IQGAP2: variants seen among roughly 807,000 people sequenced by gnomAD.
IQGAP2 encodes the protein ras GTPase-activating-like protein IQGAP2.
A neutral mutation model predicts 201.3 loss-of-function variants in IQGAP2; 173 were observed. That is an observed-to-expected ratio of 0.86 (90% CI 0.76 to 0.98). The LOEUF (loss-of-function observed/expected upper bound fraction) is 0.98. Among genes scored for constraint, IQGAP2 ranks in the 50% least tolerant of loss-of-function variants. IQGAP2 has a pLI of 0.00. For missense variants in IQGAP2, 1,687 were observed against 1,864.8 expected (o/e 0.90, Z 1.76); for synonymous variants, 675 against 673.9 (o/e 1.00, Z -0.03).
At chr5:76,588,257 A>G (rs1449821417) in intron 5 of IQGAP2, among the ~76,000 whole-genome samples, 1 of 152,222 alleles carries the variant, frequency 6.6e-6, no homozygotes, top group Non-Finnish European at 1.5e-5. Flanking sequence ...TATATTTTTT[A>G]TAGAATTTAG....
chr5:76,444,286 TG>T (rs1753237658), intron 1 of IQGAP2, among the ~76,000 whole-genome samples: 1 of 152,014 alleles, frequency 6.6e-6, no homozygotes, highest in African/African-American at 2.4e-5. Flanking sequence ...TAAATACAAG[TG>T]TTTTTTTGTT....
At chr5:76,509,041 GTGTGTGTGTGTGTGTGTA>G (rs1043623598) in intron 2 of IQGAP2, among the ~76,000 whole-genome samples, 11 of 150,370 alleles carry the variant, frequency 7.3e-5, no homozygotes, top group African/African-American at 2.2e-4. Flanking sequence ...GTGTGTGTGT[GTGTGTGTGTGTGTGTGTA>G]TGTATGTATG....
chr5:76,488,707 TCA>T (rs1268519765), intron 2 of IQGAP2, among the ~76,000 whole-genome samples: 1 of 152,198 alleles, frequency 6.6e-6, no homozygotes, highest in Non-Finnish European at 1.5e-5. Context: ...ACGTGTTGCC[TCA>T]AGGAGAGAGG....
At chr5:76,479,855 T>C (rs1755669603) in intron 2 of IQGAP2, among the ~76,000 whole-genome samples, 1 of 152,132 alleles carries the variant, frequency 6.6e-6, no homozygotes, top group Admixed American at 6.6e-5. Flanking sequence ...AAATTATAAA[T>C]AAACTCATGT....
intron 14 of IQGAP2, among the ~76,000 whole-genome samples, chr5:76,628,337 G>A (rs1750425193): frequency 1.3e-5 from 2 of 152,180 alleles, no homozygotes; most frequent in Non-Finnish European, 2.9e-5. Flanking sequence ...GTGATGAATA[G>A]AATATTAGCT....
intron 13 of IQGAP2, chr5:76,618,730 G>C: frequency 2.6e-6 from 3 of 1,173,698 alleles, no homozygotes; most frequent in South Asian, 3.1e-5. Context: ...TTCTGTGATT[G>C]TAGAATTTAA....
At chr5:76,434,305 T>C (rs1289782549) in intron 1 of IQGAP2, among the ~76,000 whole-genome samples, 1 of 152,152 alleles carries the variant, frequency 6.6e-6, no homozygotes, top group Non-Finnish European at 1.5e-5. Context: ...GTAGTGTACA[T>C]TGTGCCCGAT....
intron 2 of IQGAP2, among the ~76,000 whole-genome samples, chr5:76,495,226 G>A (rs1756812361): frequency 6.6e-6 from 1 of 152,206 alleles, no homozygotes; most frequent in Admixed American, 6.5e-5. Context: ...AGCACTGGTT[G>A]AACCCACACT....
intron 1 of IQGAP2, among the ~76,000 whole-genome samples, chr5:76,453,407 C>G (rs552390440): frequency 6.6e-6 from 1 of 152,092 alleles, no homozygotes; most frequent in African/African-American, 2.4e-5. Context: ...CACTTGTAAC[C>G]AAGAGATTGT....
chr5:76,509,615 C>T (rs1757834810), intron 2 of IQGAP2, among the ~76,000 whole-genome samples: 3 of 152,096 alleles, frequency 2.0e-5, no homozygotes. Context: ...AGGATGGCCT[C>T]AATCTCTTGA....
intron 1 of IQGAP2, among the ~76,000 whole-genome samples, chr5:76,433,804 C>A (rs545936891): frequency 6.6e-6 from 1 of 152,256 alleles, no homozygotes; most frequent in East Asian, 1.9e-4. Context: ...TATTTTATGT[C>A]ACGGCTGATT....
At chr5:76,542,071 C>G (rs915100733) in intron 2 of IQGAP2, among the ~76,000 whole-genome samples, 1 of 152,096 alleles carries the variant, frequency 6.6e-6, no homozygotes, top group African/African-American at 2.4e-5. Flanking sequence ...GAAACCTCAC[C>G]CTCTTGGGCT....
rs1219875431 is a variant in IQGAP2, at chr5:76,695,554, T to C, written c.4094T>C (p.Leu1365Pro). 3 of 1,614,074 alleles carry C rather than the reference T, an allele frequency of 1.9e-6. No homozygotes were observed. The African/African-American group carries it at 4.0e-5, about 22-fold the overall frequency. The change falls in exon 32 of 36, where the codon CTG becomes CCG. Residue 1365 changes from leucine to proline, a missense_variant. By Grantham distance (98) the Leu-to-Pro change is moderately conservative. Transcript: ENST00000274364. ...CAATCTATGATTGAAGATGCACAGC[T>C]GCCTCTTGAGCAGAAGAAGAGGAAA... Reference protein sequence around the residue: ...HSQSMIEDAQLPLEQKKRKIQ... With the variant: ...HSQSMIEDAQPPLEQKKRKIQ...
intron 2 of IQGAP2, among the ~76,000 whole-genome samples, chr5:76,507,850 G>C (rs931655660): frequency 1.3e-5 from 2 of 150,946 alleles, no homozygotes; most frequent in African/African-American, 4.9e-5. Context: ...CTCTACTAAA[G>C]ATACAAAAAT....
chr5:76,567,164 C>T (rs943239178), intron 3 of IQGAP2, among the ~76,000 whole-genome samples: 1 of 152,182 alleles, frequency 6.6e-6, no homozygotes, highest in Non-Finnish European at 1.5e-5. Context: ...CGTCTAGCTT[C>T]GCCATTAACT....
intron 13 of IQGAP2, among the ~76,000 whole-genome samples, chr5:76,626,270 C>CTTTTTTTTTTTTTTTTTTTTTTT (rs34251090): frequency 2.3e-4 from 19 of 83,658 alleles, no homozygotes; most frequent in African/African-American, 4.0e-4. Context: ...TTCTTCTTTT[C>CTTTTTTTTTTTTTTTTTTTTTTT]TTTTTTTTTT....
intron 1 of IQGAP2, chr5:76,441,668 A>G (rs1753047253): frequency 9.3e-6 from 2 of 215,250 alleles, no homozygotes; most frequent in African/African-American, 4.7e-5. Flanking sequence ...AATACCTGTT[A>G]CTTTTCTACC....
intron 2 of IQGAP2, among the ~76,000 whole-genome samples, chr5:76,513,063 A>AC (rs1309082283): frequency 6.6e-6 from 1 of 150,756 alleles, no homozygotes; most frequent in Non-Finnish European, 1.5e-5. Flanking sequence ...TCAAAAAGAA[A>AC]AAAAAAAAGA....
rs1744913280 is a variant in IQGAP2 at position 76,677,361 on chromosome 5, A to T, written c.3660+11A>T. 3 of 1,612,666 alleles carry T rather than the reference A, an allele frequency of 1.9e-6. No individual in the cohort carries two copies. The highest frequency in any genetic ancestry group is 2.7e-5 in the African/African-American group (2 of 74,884). ...ATCAGCACACACTCAGTAAGTGGGG[A>T]TGGGGAGCCATCTTAGCAATGGACC... On this transcript the variant is annotated intron_variant, in intron 28 of 35. Transcript: ENST00000274364.
Sources: allele counts gnomAD v4.1 joint callset (sites outside exome capture counted in the v4.1 genomes callset), GRCh38; gene constraint gnomAD v4.1.1; transcripts MANE v1.5; gene names NCBI Gene and HGNC (gene_info 2026-07-23, HGNC 2026-07-21).